The following HLTF variants were observed in gnomAD, a reference collection of about 807,000 sequenced individuals.
The protein encoded by HLTF is DNA-dependent ATPase/E3 ubiquitin-protein ligase HLTF.
Under a neutral mutation model 129.4 loss-of-function variants are expected in HLTF, and 127 were observed. That is an observed-to-expected ratio of 0.98 (90% confidence interval 0.85 to 1.14). The LOEUF (loss-of-function observed/expected upper bound fraction) is 1.14, where lower values mean the gene tolerates loss of function less well. Ranked by LOEUF, HLTF falls within the 50% of genes most tolerant of loss-of-function variation. The pLI, the probability that HLTF is intolerant of heterozygous loss-of-function variation, is 0.00. For synonymous variants in HLTF, 332 were observed against 388.8 expected (o/e 0.85, Z 1.72); for missense variants, 1,139 against 1,187.1 (o/e 0.96, Z 0.60).
chr3:149,048,095 T>A lies in HLTF; in HGVS notation c.1825A>T (p.Ile609Phe), dbSNP rs763782961. 4 of 1,611,416 alleles carry A rather than the reference T, an allele frequency of 2.5e-6. No homozygotes were observed. The highest frequency in any genetic ancestry group is 3.4e-6 in the Non-Finnish European group (4 of 1,177,904). Residue 609 changes from isoleucine to phenylalanine, a missense_variant, in exon 17 of 25, where the codon ATT becomes TTT. Coordinates refer to ENST00000310053, the MANE Select transcript of HLTF (RefSeq NM_003071.4). ...LLSFLKLKPF[I>F]DREWWHRTIQ... ...GTTCTATGCCACCATTCTCTATCAA[T>A]AAATGGTTTAAGTTTTAAAAAGGAA... is the stretch of plus-strand genomic sequence containing the variant.
At chr3:149,079,816 C>T (rs1719721424) in intron 2 of HLTF, among the ~76,000 whole-genome samples, 1 of 152,112 alleles carries the variant, frequency 6.6e-6, no homozygotes, top group Non-Finnish European at 1.5e-5. Context: ...TGGTCTCAAT[C>T]TCCTAACCTC....
chr3:149,071,343 T>C lies in HLTF; in HGVS notation c.803A>G (p.Asn268Ser). Residue 268 changes from asparagine to serine, a missense_variant, in exon 7 of 25, where the codon AAT (asparagine) becomes AGT (serine). By Grantham distance (46) the Asn-to-Ser change is conservative (BLOSUM62 1). Transcript: ENST00000310053. ...KELPPFWEQRNDLYYNTITNF... is the reference protein window; with the variant it reads ...KELPPFWEQRSDLYYNTITNF... Reference sequence around the variant, plus strand: ...TGTTATTGTGTTATAGTATAAGTCATTTCGCTGTTCCCAGAATGGTGGAAG... The same window carrying C: ...TGTTATTGTGTTATAGTATAAGTCACTTCGCTGTTCCCAGAATGGTGGAAG... The C allele has an allele frequency of 1.2e-6, 2 of 1,612,950 alleles. No individual in the cohort carries two copies. Among genetic ancestry groups the C allele is most frequent in the Non-Finnish European group, 1.7e-6 (2 of 1,178,936 alleles).
intron 18 of HLTF, 146 bp downstream of exon 18, chr3:149,045,933 AT>A: frequency 3.6e-6 from 2 of 554,122 alleles, no homozygotes; most frequent in East Asian, 6.7e-5. Context: ...CACTTTATTG[AT>A]TTGTAAAAAA....
intron 20 of HLTF, chr3:149,040,370 T>C (rs760793644): frequency 8.8e-6 from 4 of 456,098 alleles, no homozygotes; most frequent in Non-Finnish European, 1.5e-5. Context: ...GGAGCAAAAG[T>C]ATGTGATCTG....
chr3:149,039,761 A>G (rs772691405), intron 21 of HLTF, 68 bp from the exon 22 acceptor site: 10 of 865,490 alleles, frequency 1.2e-5, no homozygotes, highest in Non-Finnish European at 1.7e-5. Flanking sequence ...AAAAGTTTTT[A>G]TCATAAAGAA....
chr3:149,068,833 A>G (rs916264799), intron 7 of HLTF, among the ~76,000 whole-genome samples: 3 of 152,222 alleles, frequency 2.0e-5, no homozygotes, highest in African/African-American at 7.2e-5. Context: ...TAATTTTTCA[A>G]TATTTACTGC....
Position 149,068,271 on chromosome 3 carries a change from A to G in HLTF, c.959T>C (p.Ile320Thr), listed in dbSNP as rs749916690. 3 of 1,565,556 alleles carry G rather than the reference A, an allele frequency of 1.9e-6. No individual in the cohort carries two copies. Among genetic ancestry groups the G allele is most frequent in the Non-Finnish European group, 2.6e-6 (3 of 1,140,998 alleles). The stretch of plus-strand genomic sequence containing the variant: ...CAGTAGATTCTTTTTAACTCTTTCA[A>G]TAGGAAGAGGTCTGCCATCATGGAA... Reference protein sequence around the residue: ...TNFHDGRPLPIERVKKNLLKK... With the variant: ...TNFHDGRPLPTERVKKNLLKK... The change falls in exon 8 of 25, where the codon ATT (isoleucine) becomes ACT (threonine). Residue 320 changes from isoleucine (I) to threonine (T), a missense_variant. Transcript: ENST00000310053.
chr3:149,038,895 T>C (rs1175750097), intron 23 of HLTF, among the ~76,000 whole-genome samples, 154 bp downstream of exon 23: 1 of 152,222 alleles, frequency 6.6e-6, no homozygotes, highest in Non-Finnish European at 1.5e-5. Context: ...AAGCTCTTAA[T>C]CCACATTTAC....
chr3:149,049,997 G>A (rs1716849215), intron 15 of HLTF, among the ~76,000 whole-genome samples: 1 of 151,748 alleles, frequency 6.6e-6, no homozygotes, highest in South Asian at 2.1e-4. Flanking sequence ...CATCGAGAGG[G>A]AGGGGGAGGG....
intron 22 of HLTF, 60 bp downstream of exon 22, chr3:149,039,521 C>A: frequency 2.5e-6 from 2 of 790,212 alleles, no homozygotes; most frequent in Non-Finnish European, 3.9e-6. Context: ...TTTTGCTATC[C>A]AAATCAATAT....
At chr3:149,071,919 G>C (rs1174614881) in intron 5 of HLTF, among the ~76,000 whole-genome samples, 1 of 152,010 alleles carries the variant, frequency 6.6e-6, no homozygotes, top group African/African-American at 2.4e-5. Flanking sequence ...CAGGCATGGG[G>C]GTGCATGCCT....
chr3:149,043,574 G>T (rs1716307079), intron 18 of HLTF, among the ~76,000 whole-genome samples: 1 of 148,020 alleles, frequency 6.8e-6, no homozygotes, highest in Non-Finnish European at 1.5e-5. Flanking sequence ...AAAAAACCAG[G>T]CTTCCCCACA....
intron 8 of HLTF, among the ~76,000 whole-genome samples, chr3:149,065,309 A>G (rs1718267701): frequency 6.6e-6 from 1 of 152,178 alleles, no homozygotes; most frequent in South Asian, 2.1e-4. Context: ...ACTCTAATAT[A>G]TAATAGTACA....
chr3:149,072,596 C>A (rs1718970489), intron 5 of HLTF, among the ~76,000 whole-genome samples: 1 of 152,130 alleles, frequency 6.6e-6, no homozygotes, highest in Admixed American at 6.5e-5. Flanking sequence ...CAGAAGAAAT[C>A]AGGCCAGGTC....
intron 14 of HLTF, among the ~76,000 whole-genome samples, chr3:149,050,634 T>C (rs973475865): frequency 1.4e-4 from 21 of 152,338 alleles, no homozygotes; most frequent in Admixed American, 1.2e-3. Flanking sequence ...ACCAAAGTTA[T>C]TGAAAACAAT....
chr3:149,040,994 C>T (rs770602053), intron 20 of HLTF, among the ~76,000 whole-genome samples: 2 of 152,116 alleles, frequency 1.3e-5, no homozygotes, highest in African/African-American at 4.8e-5. Flanking sequence ...CCTACCTTAT[C>T]CAACACAATA....
chr3:149,039,479 AC>A, intron 22 of HLTF, 101 bp downstream of exon 22: 1 of 650,344 alleles, frequency 1.5e-6, no homozygotes, highest in Non-Finnish European at 2.5e-6. Flanking sequence ...AGATAAAATG[AC>A]TAAAACTGGC....
At chr3:149,049,076 T>G in intron 15 of HLTF, 75 bp from the exon 16 acceptor site, 1 of 976,334 alleles carries the variant, frequency 1.0e-6, no homozygotes, top group South Asian at 1.5e-5. Flanking sequence ...GCTAACTAGT[T>G]GTTATCATTA....
At chr3:149,049,742 C>A (rs1172578518) in intron 15 of HLTF, among the ~76,000 whole-genome samples, 2 of 152,170 alleles carry the variant, frequency 1.3e-5, no homozygotes, top group South Asian at 2.1e-4. Context: ...CCTGTAATCC[C>A]AGCACTTTGG....
Sources: allele counts gnomAD v4.1 joint callset (sites outside exome capture counted in the v4.1 genomes callset), GRCh38; gene constraint gnomAD v4.1.1; transcripts MANE v1.5; gene names NCBI Gene and HGNC (gene_info 2026-07-23, HGNC 2026-07-21).